The following QTGAL variants were observed in gnomAD, a reference collection of about 807,000 sequenced individuals.
QTGAL encodes the protein queuosine-tRNA galactosyltransferase.
the QTGAL span, among the ~76,000 whole-genome samples, chr17:82,952,264 C>T: frequency 2.0e-5 from 3 of 152,144 alleles, no homozygotes; most frequent in Admixed American, 1.3e-4. Context: ...CCTGGTGTGG[C>T]GTGCTTCTAG....
chr17:82,964,030 G>GGGA, the QTGAL span, among the ~76,000 whole-genome samples: 15 of 134,694 alleles, frequency 1.1e-4, no homozygotes, highest in South Asian at 4.7e-4. Context: ...GCTGAGGTCG[G>GGGA]GGGGGTGGAT....
chr17:83,030,679 CT>C, the QTGAL span: 1 of 152,476 alleles, frequency 6.6e-6, no homozygotes, highest in Admixed American at 6.5e-5. Context: ...GATGCAGAGC[CT>C]TTGGGCCGTC....
chr17:82,965,315 T>C, the QTGAL span, among the ~76,000 whole-genome samples: 1 of 152,128 alleles, frequency 6.6e-6, no homozygotes, highest in African/African-American at 2.4e-5. Flanking sequence ...CCCTCTGTTG[T>C]CCCAGAGACA....
chr17:83,016,082 T>C, the QTGAL span, among the ~76,000 whole-genome samples: 1 of 152,174 alleles, frequency 6.6e-6, no homozygotes, highest in African/African-American at 2.4e-5. Context: ...GATCGAGTGG[T>C]AGCTACACAA....
the QTGAL span, among the ~76,000 whole-genome samples, chr17:82,971,578 CT>C: frequency 0.29 from 36,638 of 125,212 alleles, 4,680 homozygotes; most frequent in South Asian, 0.39. Flanking sequence ...CCACACCACA[CT>C]CATAGGGGCC....
At chr17:82,962,333 A>T in the QTGAL span, among the ~76,000 whole-genome samples, 1 of 152,270 alleles carries the variant, frequency 6.6e-6, no homozygotes, top group East Asian at 1.9e-4. Flanking sequence ...AAGATTTGTA[A>T]GAAGATGCTG....
the QTGAL span, chr17:83,048,557 GC>G: frequency 6.2e-7 from 1 of 1,613,838 alleles, no homozygotes; most frequent in South Asian, 1.1e-5. Context: ...TTCAATGATA[GC>G]CCCAGACTTG....
the QTGAL span, chr17:83,007,286 C>G: frequency 6.1e-6 from 6 of 985,270 alleles, no homozygotes; most frequent in Non-Finnish European, 7.2e-6. Context: ...CCCTGCCCAG[C>G]GAGTTTTCCC....
the QTGAL span, chr17:82,956,964 C>A: frequency 1.1e-6 from 1 of 940,600 alleles, no homozygotes; most frequent in Non-Finnish European, 1.6e-6. The surrounding 1 kb of genome is among the most constrained non-coding windows in gnomAD (Gnocchi z 5.7). Context: ...GCCTGACACC[C>A]GACTGCAGAA....
the QTGAL span, among the ~76,000 whole-genome samples, chr17:83,037,712 T>C: frequency 0.031 from 4,658 of 152,332 alleles, 244 homozygotes; most frequent in African/African-American, 0.11. This position sits in a 1 kb window ranked among gnomAD's most constrained non-coding sequence, Gnocchi z 5.2. Context: ...ACAGGGGCTC[T>C]GCTCACAATG....
At chr17:83,030,602 A>C in the QTGAL span, among the ~76,000 whole-genome samples, 2 of 152,208 alleles carry the variant, frequency 1.3e-5, no homozygotes, top group South Asian at 4.1e-4. Context: ...GAGAACGGCC[A>C]GGCTTGTCTG....
At chr17:82,985,360 AT>A in the QTGAL span, among the ~76,000 whole-genome samples, 1 of 152,204 alleles carries the variant, frequency 6.6e-6, no homozygotes, top group Admixed American at 6.5e-5. Context: ...GTTGGAAGTG[AT>A]TTCTGTTAAT....
At chr17:82,969,691 T>G in the QTGAL span, among the ~76,000 whole-genome samples, 2 of 150,346 alleles carry the variant, frequency 1.3e-5, no homozygotes, top group Non-Finnish European at 3.0e-5. Flanking sequence ...ATCTTTTAAA[T>G]TTTTTTTTTA....
the QTGAL span, chr17:82,945,447 T>G: frequency 6.6e-6 from 1 of 152,342 alleles, no homozygotes; most frequent in East Asian, 1.9e-4. Context: ...CAGAGTGATA[T>G]AAACGACTAC....
chr17:83,033,530 G>A, the QTGAL span, among the ~76,000 whole-genome samples: 1 of 149,782 alleles, frequency 6.7e-6, no homozygotes, highest in Non-Finnish European at 1.5e-5. Context: ...GGAGTGCAGT[G>A]GCGTGATCTC....
chr17:82,989,126 A>G, the QTGAL span, among the ~76,000 whole-genome samples: 243 of 152,360 alleles, frequency 1.6e-3, 1 homozygote, highest in Middle Eastern at 0.01. Flanking sequence ...GATAGACTGG[A>G]TAAAGAAAAT....
the QTGAL span, among the ~76,000 whole-genome samples, chr17:82,950,536 C>G: frequency 6.6e-6 from 1 of 152,216 alleles, no homozygotes; most frequent in Non-Finnish European, 1.5e-5. Flanking sequence ...CCCGTTTACT[C>G]ACCTAAATGT....
At chr17:82,961,658 G>T in the QTGAL span, among the ~76,000 whole-genome samples, 11 of 152,320 alleles carry the variant, frequency 7.2e-5, no homozygotes, top group East Asian at 2.1e-3. Context: ...TGCGGGCAGG[G>T]GAGCCCAGCA....
the QTGAL span, among the ~76,000 whole-genome samples, chr17:82,984,879 T>C: frequency 3.3e-5 from 5 of 152,138 alleles, no homozygotes; most frequent in Non-Finnish European, 7.4e-5. Flanking sequence ...AGCAGGAGCA[T>C]GCATCTCAGC....
Sources: allele counts gnomAD v4.1 joint callset (sites outside exome capture counted in the v4.1 genomes callset), GRCh38; gene constraint gnomAD v4.1.1; non-coding constraint Gnocchi (gnomAD v3.1); transcripts MANE v1.5; gene names NCBI Gene and HGNC (gene_info 2026-07-23, HGNC 2026-07-21).